TOPBP1: variants seen among roughly 807,000 people sequenced by gnomAD.
TOPBP1 encodes DNA topoisomerase II binding protein 1.
Under a neutral mutation model 167.7 loss-of-function variants are expected in TOPBP1, and 28 were observed. The ratio of observed to expected loss-of-function variants is 0.17; its 90% confidence interval spans 0.12 to 0.23. The LOEUF is 0.23. Among genes scored for constraint, TOPBP1 ranks in the 10% least tolerant of loss-of-function variants. TOPBP1 has a pLI of 1.00. For synonymous variants in TOPBP1, 598 were observed against 611.4 expected (o/e 0.98, Z 0.32); for missense variants, 1,554 against 1,809.6 (o/e 0.86, Z 2.56).
intron 25 of TOPBP1, among the ~76,000 whole-genome samples, chr3:133,609,214 G>A (rs11928864): frequency 0.11 from 16,492 of 152,208 alleles, 969 homozygotes; most frequent in Middle Eastern, 0.16. Context: ...AAAGCAGTGT[G>A]ATTGATGTTT....
rs746549344 is a variant in TOPBP1, at chr3:133,638,093, G to T, written c.2303C>A (p.Thr768Lys). The change falls in exon 14 of 28, where the codon ACA becomes AAA. Residue 768 changes from threonine (T) to lysine (K), a missense_variant. Coordinates refer to ENST00000260810, the MANE Select transcript of TOPBP1 (RefSeq NM_007027.4). ...GGTTTTTCTGTGAGTTTGCAGGCGTGTGCCAGGATGCTCTGCAGTATCTGA... is the reference window on the plus strand; with the variant it reads ...GGTTTTTCTGTGAGTTTGCAGGCGTTTGCCAGGATGCTCTGCAGTATCTGA... ...LNSDTAEHPGTRLQTHRKTVV... is the reference protein window; with the variant it reads ...LNSDTAEHPGKRLQTHRKTVV... The T allele has an allele frequency of 1.1e-5, 18 of 1,614,004 alleles. No homozygotes were observed. Among genetic ancestry groups the T allele is most frequent in the Non-Finnish European group, 1.4e-5 (17 of 1,179,876 alleles).
chr3:133,638,718 T>A (rs1480107190), intron 13 of TOPBP1, among the ~76,000 whole-genome samples: 1 of 152,198 alleles, frequency 6.6e-6, no homozygotes, highest in East Asian at 1.9e-4. Flanking sequence ...TCCCTGAAGT[T>A]TGCCCATGGA....
chr3:133,652,863 G>T (rs987794769), intron 7 of TOPBP1, among the ~76,000 whole-genome samples: 9 of 152,074 alleles, frequency 5.9e-5, no homozygotes, highest in African/African-American at 2.2e-4. Flanking sequence ...ATAGTGTCTT[G>T]TTTCCCATAA....
At chr3:133,643,394 G>C in intron 11 of TOPBP1, 22 bp from the exon 12 acceptor site, 1 of 1,541,336 alleles carries the variant, frequency 6.5e-7, no homozygotes, top group Non-Finnish European at 8.7e-7. Context: ...AAAAGAAATA[G>C]TAAAGCCAAC....
Position 133,623,371 on chromosome 3 carries a change from T to G in TOPBP1, c.3015A>C (p.Gln1005His), listed in dbSNP as rs1200799437. The change falls in exon 18 of 28, where the codon CAA becomes CAC. Residue 1005 changes from glutamine (Q) to histidine (H), a missense_variant. This residue lies in a region of TOPBP1 where 1,197 missense variants were observed against 1,351.5 expected (regional missense o/e 0.89). Coordinates refer to ENST00000260810, the MANE Select transcript of TOPBP1 (RefSeq NM_007027.4). ...PKMSLDISAVQDGRLCNSRLL... is the reference protein window; with the variant it reads ...PKMSLDISAVHDGRLCNSRLL... ...GTCGACTATTACAGAGCCGGCCATC[T>G]TGCACTGCGCTGATATCCAAGCTCA... 1 of 1,613,560 alleles carries G rather than the reference T, an allele frequency of 6.2e-7. No homozygotes were observed. The highest frequency in any genetic ancestry group is 8.5e-7 in the Non-Finnish European group (1 of 1,179,690).
At chr3:133,627,688 T>C (rs561390626) in intron 16 of TOPBP1, among the ~76,000 whole-genome samples, 1 of 152,330 alleles carries the variant, frequency 6.6e-6, no homozygotes, top group East Asian at 1.9e-4. Context: ...TATGAATGGC[T>C]GAACACAAGT....
At chr3:133,645,311 C>A (rs557506651) in intron 10 of TOPBP1, among the ~76,000 whole-genome samples, 9 of 152,236 alleles carry the variant, frequency 5.9e-5, no homozygotes, top group Non-Finnish European at 7.4e-5. Flanking sequence ...AGGGAGTTTA[C>A]TGGTCAGTAA....
chr3:133,616,474 C>T (rs1372333628), intron 23 of TOPBP1, among the ~76,000 whole-genome samples: 3 of 152,130 alleles, frequency 2.0e-5, no homozygotes, highest in African/African-American at 7.2e-5. Context: ...GAGGGAGCTC[C>T]TCTCTAGATA....
chr3:133,603,189 C>T (rs946179396), intron 27 of TOPBP1, among the ~76,000 whole-genome samples: 1 of 152,170 alleles, frequency 6.6e-6, no homozygotes, highest in Non-Finnish European at 1.5e-5. Flanking sequence ...AGCCACCATG[C>T]CCGGCCTCAG....
chr3:133,628,616 G>A lies in TOPBP1; in HGVS notation c.2638C>T (p.Arg880Ter). Reference protein sequence around the residue: ...NLQLALANSSRNAVALSASPQ... With the variant: ...NLQLALANSS The stretch of plus-strand genomic sequence containing the variant: ...CTGGCAGAAAGAGCGACAGCATTTC[G>A]AGAGCTATTTGCCAAAGCAAGTTGC... The change falls in exon 15 of 28, where the codon CGA becomes TGA. Residue 880 changes from arginine (R) to a stop codon, truncating the protein, a stop_gained. Coordinates refer to ENST00000260810, the MANE Select transcript of TOPBP1 (RefSeq NM_007027.4). LOFTEE classifies it high-confidence loss of function. 1 of 1,608,892 alleles carries A rather than the reference G, an allele frequency of 6.2e-7. No homozygotes were observed. The highest frequency in any genetic ancestry group is 8.5e-7 in the Non-Finnish European group (1 of 1,177,600).
At chr3:133,642,799 C>T (rs11708197) in intron 12 of TOPBP1, among the ~76,000 whole-genome samples, 21,358 of 152,120 alleles carry the variant, frequency 0.14, 1,843 homozygotes, top group Non-Finnish European at 0.2. Flanking sequence ...ATCATGTTAC[C>T]CTGATGCAAA....
At chr3:133,622,185 GTTTTTT>G (rs398052284) in intron 19 of TOPBP1, among the ~76,000 whole-genome samples, 1 of 106,448 alleles carries the variant, frequency 9.4e-6, no homozygotes, top group African/African-American at 3.7e-5. Flanking sequence ...CACCATTTAT[GTTTTTT>G]TTTTTTTTTT....
chr3:133,628,210 A>G (rs992996093), intron 16 of TOPBP1, 152 bp downstream of exon 16: 1 of 684,436 alleles, frequency 1.5e-6, no homozygotes, highest in East Asian at 2.7e-5. Context: ...TATTTTCAAC[A>G]GATGTGGTAA....
intron 16 of TOPBP1, among the ~76,000 whole-genome samples, chr3:133,626,291 CAG>C (rs1318906759): frequency 6.6e-6 from 1 of 152,112 alleles, no homozygotes; most frequent in Non-Finnish European, 1.5e-5. Flanking sequence ...AGTGTTACTT[CAG>C]GGGTTATTTT....
intron 12 of TOPBP1, among the ~76,000 whole-genome samples, chr3:133,642,861 C>T (rs1935941791): frequency 1.3e-5 from 2 of 152,128 alleles, no homozygotes; most frequent in African/African-American, 4.8e-5. Flanking sequence ...TGTCAGCTTT[C>T]AAAGTAATGG....
intron 23 of TOPBP1, among the ~76,000 whole-genome samples, chr3:133,614,155 A>G (rs1576681395): frequency 6.6e-6 from 1 of 152,158 alleles, no homozygotes; most frequent in Non-Finnish European, 1.5e-5. Context: ...GACTCTAATA[A>G]TAATAGCAGC....
chr3:133,622,346 C>T (rs1275118748), intron 19 of TOPBP1, among the ~76,000 whole-genome samples: 5 of 151,898 alleles, frequency 3.3e-5, no homozygotes, highest in South Asian at 4.2e-4. Context: ...ATGCAACCAC[C>T]ATGCCCGGCT....
chr3:133,601,354 C>T lies in TOPBP1; in HGVS notation c.4465G>A (p.Ala1489Thr), dbSNP rs1358206361. 6.3e-7 allele frequency: 1 copy of T among 1,575,974 alleles called. No homozygotes were observed. Among genetic ancestry groups the T allele is most frequent in the South Asian group, 1.2e-5 (1 of 84,670 alleles). ...TTATTATTCTGAATAAATGAAATAG[C>T]TTCTGGTAGACAGTAATTTTCTACA... ...PHVENYCLPE[A>T]ISFIQNNKEL... Residue 1489 changes from alanine to threonine, a missense_variant, in exon 28 of 28, where the codon GCT (alanine) becomes ACT (threonine). This residue lies in a region of TOPBP1 where 351 missense variants were observed against 432.9 expected (regional missense o/e 0.81). Transcript: ENST00000260810.
rs758408967 is a variant in TOPBP1 at position 133,643,266 on chromosome 3, G to A, written c.1955C>T (p.Ser652Leu). The A allele has an allele frequency of 1.2e-6, 2 of 1,612,194 alleles. No homozygotes were observed. The highest frequency in any genetic ancestry group is 1.7e-6 in the Non-Finnish European group (2 of 1,179,214). ...GMTPLEDCVI[S>L]FSQCAGAEKE... ...TTCTGCTCCAGCACACTGGCTAAAT[G>A]AAATAACACAATCCTCTAAAGGAGT... Residue 652 changes from serine to leucine, a missense_variant, in exon 12 of 28, where the codon TCA becomes TTA. Physicochemically the swap from Ser to Leu is moderately radical, Grantham distance 145. This residue lies in a region of TOPBP1 where 1,197 missense variants were observed against 1,351.5 expected (regional missense o/e 0.89). Transcript: ENST00000260810.
Sources: gnomAD v4.1 joint callset for allele counts (sites outside exome capture counted in the v4.1 genomes callset) on GRCh38, gnomAD v4.1.1 for gene constraint, gnomAD v4.1.1 regional missense constraint, MANE v1.5 for transcripts, NCBI Gene and HGNC (gene_info 2026-07-23, HGNC 2026-07-21) for gene names.